MXRA8: variants seen among roughly 807,000 people sequenced by gnomAD.
MXRA8 encodes matrix remodeling associated 8.
MXRA8 carries 44 observed loss-of-function variants against 51.4 expected under a neutral mutation model. The observed-to-expected ratio is 0.86, with a 90% CI of 0.67 to 1.10. The LOEUF (loss-of-function observed/expected upper bound fraction) is 1.10, where lower values mean the gene tolerates loss of function less well. Among genes scored for constraint, MXRA8 ranks in the 50% least tolerant of loss-of-function variants. The pLI is 0.00. For synonymous variants in MXRA8, 369 were observed against 293.5 expected, an observed-to-expected ratio of 1.26 and a Z score of -2.63; for missense variants, 765 against 638.9, an observed-to-expected ratio of 1.20 and a Z score of -2.13.
At chr1:1,358,903 C>T, upstream of MXRA8, 1 of 1,014,354 alleles carries the variant, frequency 9.9e-7, no homozygotes, top group Non-Finnish European at 1.2e-6. Flanking sequence ...CTCTGGCCTC[C>T]CCCCACGTGA....
upstream of MXRA8, chr1:1,361,211 C>G (rs1487176772): frequency 1.4e-6 from 1 of 703,350 alleles, no homozygotes; most frequent in Non-Finnish European, 2.6e-6. Context: ...CACACAGACA[C>G]ACATGGAAAG....
intron 4 of MXRA8, 24 bp from the exon 5 acceptor site, chr1:1,355,176 G>A (rs183729313): frequency 2.9e-6 from 4 of 1,391,048 alleles, no homozygotes; most frequent in Admixed American, 7.3e-5. Flanking sequence ...GCGGTCAGCG[G>A]CGCGCGGGCC....
chr1:1,354,708 G>A lies in MXRA8; in HGVS notation c.923C>T (p.Ser308Phe). ...TGGGCCTGGGGCGCCGCTGTGGCTG[G>A]AGCCGTTGCCCGGAGAGCCCCGGGG... Reference protein sequence around the residue: ...PPPRGSPGNGSSHSGAPGPDP... With the variant: ...PPPRGSPGNGFSHSGAPGPDP... Residue 308 changes from serine (S) to phenylalanine (F), a missense_variant, in exon 5 of 10, where the codon TCC becomes TTC. Physicochemically the swap from Ser to Phe is radical, Grantham distance 155 (BLOSUM62 -2). Coordinates refer to ENST00000309212, the MANE Select transcript of MXRA8 (RefSeq NM_032348.4). The A allele has an allele frequency of 6.3e-7, 1 of 1,596,118 alleles. No individual in the cohort carries two copies. The highest frequency in any genetic ancestry group is 2.3e-5 in the East Asian group (1 of 43,906).
chr1:1,353,996 G>A (rs950157967), intron 8 of MXRA8, 34 bp downstream of exon 8: 8 of 1,610,800 alleles, frequency 5.0e-6, no homozygotes, highest in East Asian at 4.5e-5. Flanking sequence ...ACTGGGAGCC[G>A]CGCCTGTGCC....
intron 1 of MXRA8, among the ~76,000 whole-genome samples, chr1:1,358,119 T>G (rs1268208030): frequency 1.3e-5 from 2 of 152,172 alleles, no homozygotes; most frequent in East Asian, 3.9e-4. Context: ...CCCACAGTTC[T>G]CAGGTCCCCT....
chr1:1,354,728 C>A lies in MXRA8; in HGVS notation c.903G>T (p.Arg301=). ...VAEPHAEPPP[R]GSPGNGSSHS... is the part of the protein sequence containing the mutation. ...GGCTGGAGCCGTTGCCCGGAGAGCCCCGGGGGGGCGGCTCCGCGTGGGGTT... is the reference window on the plus strand; with the variant it reads ...GGCTGGAGCCGTTGCCCGGAGAGCCACGGGGGGGCGGCTCCGCGTGGGGTT... Residue 301 remains arginine (R), a synonymous_variant, in exon 5 of 10, where the codon CGG becomes CGT. Coordinates refer to ENST00000309212, the MANE Select transcript of MXRA8 (RefSeq NM_032348.4). 6.2e-7 allele frequency: 1 copy of A among 1,606,806 alleles called. No individual in the cohort carries two copies. Among genetic ancestry groups the A allele is most frequent in the Non-Finnish European group, 8.5e-7 (1 of 1,177,472 alleles).
At position 1,355,114 on chromosome 1, in the gene MXRA8, C is replaced by A. The variant is rs1270687049; in HGVS notation, c.517G>T (p.Val173Leu). 2 of 1,517,186 alleles carry A rather than the reference C, an allele frequency of 1.3e-6. No homozygotes were observed. Among genetic ancestry groups the A allele is most frequent in the Non-Finnish European group, 1.7e-6 (2 of 1,145,700 alleles). 94.0% of individuals were successfully genotyped at this position (1,517,186 alleles called of 1,614,324 possible). A position where few individuals can be genotyped will look rare whatever the true frequency, so the allele number is the denominator to read the frequency against. The change falls in exon 5 of 10, where the codon GTG (valine) becomes TTG (leucine). Residue 173 changes from valine to leucine, a missense_variant. By Grantham distance (32) the Val-to-Leu change is conservative. Coordinates refer to ENST00000309212, the MANE Select transcript of MXRA8 (RefSeq NM_032348.4). ...GGTGCGCCGCGCGCCACCGCCAGCA[C>A]CTCCTTCTCGCCGTCCCAGTAGGCG... Reference protein sequence around the residue: ...TPAYWDGEKEVLAVARGAPAL... With the variant: ...TPAYWDGEKELLAVARGAPAL...
chr1:1,359,124 C>T (rs1368880970), upstream of MXRA8: 2 of 985,320 alleles, frequency 2.0e-6, no homozygotes, highest in African/African-American at 3.5e-5. Flanking sequence ...ATGGACGCTG[C>T]CAGTCACTAG....
chr1:1,358,612 C>G (rs943987665), upstream of MXRA8: 1 of 1,475,666 alleles, frequency 6.8e-7, no homozygotes, highest in African/African-American at 1.4e-5. Flanking sequence ...ATCACGGAGG[C>G]CTGGGCCTGT....
Position 1,353,391 on chromosome 1 carries a change from C to T in MXRA8, c.*213G>A, listed in dbSNP as rs1250584935. The T allele has an allele frequency of 6.5e-7, 1 of 1,538,480 alleles. No individual in the cohort carries two copies. On this transcript the variant is annotated 3_prime_UTR_variant, in exon 10 of 10. Transcript: ENST00000309212. ...TTGTGCCAGGGGTGGGCAGGGCCACCCGTGAGCAAAGGCCGCAGGGGTGGG... is the reference window on the plus strand; with the variant it reads ...TTGTGCCAGGGGTGGGCAGGGCCACTCGTGAGCAAAGGCCGCAGGGGTGGG...
At chr1:1,358,578 C>G (rs1377118265), upstream of MXRA8, 1 of 1,554,190 alleles carries the variant, frequency 6.4e-7, no homozygotes. Context: ...CTACCCCCTC[C>G]CCCTCCTTAG....
intron 9 of MXRA8, 80 bp downstream of exon 9, chr1:1,353,768 C>G: frequency 6.7e-7 from 1 of 1,484,082 alleles, no homozygotes; most frequent in Non-Finnish European, 9.1e-7. Context: ...TGGCTGGTGC[C>G]TGCCATCGTT....
chr1:1,355,473 C>T lies in MXRA8; in HGVS notation c.353G>A (p.Gly118Asp). ...ACCGCGGATGAGCAGCGAGAAGTTG[C>T]CGTCGTCGAAGGCCGAGGCCGAGAG... ...LELSASAFDD[G>D]NFSLLIRAVE... is the part of the protein sequence containing the mutation. The change falls in exon 3 of 10, where the codon GGC (glycine) becomes GAC (aspartate). Residue 118 changes from glycine to aspartate, a missense_variant. Transcript: ENST00000309212. 1 of 1,509,736 alleles carries T rather than the reference C, an allele frequency of 6.6e-7. No homozygotes were observed. Among genetic ancestry groups the T allele is most frequent in the Non-Finnish European group, 8.8e-7 (1 of 1,140,008 alleles). 93.5% of individuals were successfully genotyped at this position (1,509,736 alleles called of 1,614,324 possible). A position where few individuals can be genotyped will look rare whatever the true frequency, so the allele number is the denominator to read the frequency against.
Position 1,355,066 on chromosome 1 carries a change from G to A in MXRA8, c.565C>T (p.Arg189Cys). Residue 189 changes from arginine (R) to cysteine (C), a missense_variant, in exon 5 of 10, where the codon CGC becomes TGC. Coordinates refer to ENST00000309212, the MANE Select transcript of MXRA8 (RefSeq NM_032348.4). ...TGCCGGTCGGTCCACACGTGCCCGC[G>A]GTTCACGCAGGTCAGAAGCGCGGGT... ...GAPALLTCVN[R>C]GHVWTDRHVE... 2 of 1,602,192 alleles carry A rather than the reference G, an allele frequency of 1.2e-6. No individual in the cohort carries two copies. The highest frequency in any genetic ancestry group is 1.7e-6 in the Non-Finnish European group (2 of 1,176,576).
At chr1:1,359,686 A>G, upstream of MXRA8, 1 of 621,572 alleles carries the variant, frequency 1.6e-6, no homozygotes, top group African/African-American at 2.0e-5. Context: ...AGGAACGGGC[A>G]GGACACGGAC....
At chr1:1,360,147 G>A (rs1248347898), upstream of MXRA8, among the ~76,000 whole-genome samples, 3 of 152,242 alleles carry the variant, frequency 2.0e-5, no homozygotes, top group Admixed American at 6.5e-5. Context: ...GACAGCCTCA[G>A]GCCAGGGCTC....
chr1:1,362,058 T>A (rs565097304), upstream of MXRA8, among the ~76,000 whole-genome samples: 1 of 152,370 alleles, frequency 6.6e-6, no homozygotes, highest in East Asian at 1.9e-4. Context: ...TTCCCGGCCA[T>A]GTCCCTGGCT....
rs531642737 is a variant in MXRA8 at position 1,353,753 on chromosome 1, G to A, written c.1303+95C>T. The stretch of plus-strand genomic sequence containing the variant: ...CTGAGCCTGAGGTGGCAGGGGCCCC[G>A]GGCCTGGCTGGTGCCTGCCATCGTT... On this transcript the variant is annotated intron_variant, in intron 9 of 9. Transcript: ENST00000309212. 2.6e-4 allele frequency: 378 copies of A among 1,465,150 alleles called. 3 individuals carry two copies. The African/African-American group carries it at 4.5e-3, about 18-fold the overall frequency. 90.8% of individuals were successfully genotyped at this position (1,465,150 alleles called of 1,614,324 possible).
chr1:1,353,795 G>A, intron 9 of MXRA8, 53 bp downstream of exon 9: 1 of 1,518,226 alleles, frequency 6.6e-7, no homozygotes, highest in Middle Eastern at 1.8e-4. Context: ...AGGTGAGGTG[G>A]AATGGGGACA....
Sources: allele counts gnomAD v4.1 joint callset (sites outside exome capture counted in the v4.1 genomes callset), GRCh38; gene constraint gnomAD v4.1.1; transcripts MANE v1.5; gene names NCBI Gene and HGNC (gene_info 2026-07-23, HGNC 2026-07-21).